Variants in MACROD2 observed in about 807,000 individuals in gnomAD.
MACROD2 encodes mono-ADP ribosylhydrolase 2.
In MACROD2, 36 loss-of-function variants were observed where a neutral mutation model predicts 70.4. The observed-to-expected ratio is 0.51, with a 90% confidence interval of 0.39 to 0.68. The LOEUF is 0.68. Among genes scored for constraint, MACROD2 ranks in the 30% least tolerant of loss-of-function variants. The pLI is 0.00. For missense variants in MACROD2, 496 were observed against 538.4 expected (o/e 0.92, Z 0.78); for synonymous variants, 172 against 178.8 (o/e 0.96, Z 0.30).
intron 6 of MACROD2, among the ~76,000 whole-genome samples, chr20:15,383,772 A>G (rs548896583): frequency 2.0e-5 from 3 of 152,208 alleles, no homozygotes; most frequent in Non-Finnish European, 2.9e-5. Context: ...GTTGACAGAA[A>G]CATTTCATTT....
intron 2 of MACROD2, among the ~76,000 whole-genome samples, chr20:14,071,974 AAGT>A (rs2053850108): frequency 6.6e-6 from 1 of 152,244 alleles, no homozygotes; most frequent in Non-Finnish European, 1.5e-5. Context: ...AGTGTAAACA[AAGT>A]AGTATATGTA....
intron 5 of MACROD2, among the ~76,000 whole-genome samples, chr20:14,951,647 G>A (rs1357212469): frequency 1.3e-5 from 2 of 152,080 alleles, no homozygotes. Flanking sequence ...CCCAGATAAT[G>A]TGAATAAAGT....
chr20:16,029,487 G>GTAAAAA (rs1178536214), intron 15 of MACROD2, among the ~76,000 whole-genome samples: 1 of 152,188 alleles, frequency 6.6e-6, no homozygotes, highest in Non-Finnish European at 1.5e-5. Context: ...AGGAAGAGAA[G>GTAAAAA]TAAAACAGGC....
At chr20:14,834,299 A>G (rs2073004805) in intron 5 of MACROD2, among the ~76,000 whole-genome samples, 1 of 151,830 alleles carries the variant, frequency 6.6e-6, no homozygotes, top group African/African-American at 2.4e-5. Flanking sequence ...AGGAAACACT[A>G]GAAATATAAG....
At chr20:15,459,232 C>T (rs1044842960) in intron 7 of MACROD2, among the ~76,000 whole-genome samples, 1 of 152,010 alleles carries the variant, frequency 6.6e-6, no homozygotes, top group Non-Finnish European at 1.5e-5. Flanking sequence ...TAGCTGCAGC[C>T]TCTTCTTCAT....
intron 5 of MACROD2, among the ~76,000 whole-genome samples, chr20:14,887,511 G>A (rs1201422805): frequency 6.6e-6 from 1 of 151,462 alleles, no homozygotes; most frequent in African/African-American, 2.4e-5. Flanking sequence ...TCCTGCCTCA[G>A]CCTCCTGGGT....
At chr20:15,221,966 T>C (rs1364946274) in intron 5 of MACROD2, among the ~76,000 whole-genome samples, 2 of 152,144 alleles carry the variant, frequency 1.3e-5, no homozygotes, top group African/African-American at 4.8e-5. Flanking sequence ...ACCTTAGACA[T>C]AGATATCTTA....
At chr20:15,233,963 TTA>T (rs1438269024) in intron 6 of MACROD2, among the ~76,000 whole-genome samples, 2 of 76,560 alleles carry the variant, frequency 2.6e-5, no homozygotes, top group African/African-American at 1.3e-4. Flanking sequence ...TCCAAAAAAT[TTA>T]TTTTTATATA....
chr20:15,416,770 G>T (rs1478506486), intron 6 of MACROD2, among the ~76,000 whole-genome samples: 2 of 152,004 alleles, frequency 1.3e-5, no homozygotes, highest in Admixed American at 1.3e-4. Flanking sequence ...GGGGCGGTGG[G>T]GGGGCGCCGG....
chr20:14,574,078 G>T (rs1261240233), intron 4 of MACROD2, among the ~76,000 whole-genome samples: 1 of 152,192 alleles, frequency 6.6e-6, no homozygotes, highest in Non-Finnish European at 1.5e-5. Flanking sequence ...ATAAGGCATA[G>T]AGATAATCAA....
chr20:14,406,591 G>A (rs1260712879), intron 3 of MACROD2, among the ~76,000 whole-genome samples: 1 of 152,074 alleles, frequency 6.6e-6, no homozygotes, highest in Admixed American at 6.6e-5. Context: ...AGCATTGTGT[G>A]GTTAGCTATC....
chr20:16,008,710 A>G (rs546416651), intron 15 of MACROD2, among the ~76,000 whole-genome samples: 145 of 152,348 alleles, frequency 9.5e-4, no homozygotes, highest in African/African-American at 3.3e-3. Flanking sequence ...TAAACTCTCA[A>G]TCAATATTAA....
At chr20:14,839,950 C>T (rs908790601) in intron 5 of MACROD2, among the ~76,000 whole-genome samples, 3 of 152,024 alleles carry the variant, frequency 2.0e-5, no homozygotes, top group Middle Eastern at 6.9e-3. Flanking sequence ...TGTCTCTTCC[C>T]TCTTCCTTTG....
chr20:14,301,286 G>A (rs988337462), intron 3 of MACROD2, among the ~76,000 whole-genome samples: 9 of 152,054 alleles, frequency 5.9e-5, no homozygotes, highest in African/African-American at 2.2e-4. Flanking sequence ...AAAATGAAAG[G>A]TGCCATGGCA....
chr20:14,170,841 T>A (rs2081214409), intron 3 of MACROD2, among the ~76,000 whole-genome samples: 1 of 152,126 alleles, frequency 6.6e-6, no homozygotes, highest in African/African-American at 2.4e-5. Flanking sequence ...GTTTTGGTAT[T>A]AGGGAGATAC....
intron 2 of MACROD2, among the ~76,000 whole-genome samples, chr20:14,024,614 T>C (rs903016764): frequency 9.3e-5 from 14 of 150,020 alleles, no homozygotes; most frequent in African/African-American, 3.4e-4. Flanking sequence ...AAATTTTCTG[T>C]ATCTATTAAG....
At chr20:15,528,042 A>G (rs1360211344) in intron 8 of MACROD2, among the ~76,000 whole-genome samples, 2 of 152,206 alleles carry the variant, frequency 1.3e-5, no homozygotes, top group African/African-American at 4.8e-5. Context: ...GCACACAGTT[A>G]GTGTTCAATA....
intron 8 of MACROD2, among the ~76,000 whole-genome samples, chr20:15,712,760 C>G (rs2146918905): frequency 6.6e-6 from 1 of 152,348 alleles, no homozygotes; most frequent in Non-Finnish European, 1.5e-5. Context: ...AATAAGAACA[C>G]CATCCATATA....
At chr20:15,148,907 A>G (rs1009793006) in intron 5 of MACROD2, among the ~76,000 whole-genome samples, 5 of 151,982 alleles carry the variant, frequency 3.3e-5, no homozygotes, top group African/African-American at 1.2e-4. Context: ...AGCCTGAAAA[A>G]CTGCGTGGCT....
Sources: allele counts gnomAD v4.1 joint callset (sites outside exome capture counted in the v4.1 genomes callset), GRCh38; gene constraint gnomAD v4.1.1; transcripts MANE v1.5; gene names NCBI Gene and HGNC (gene_info 2026-07-23, HGNC 2026-07-21).